CNTN5: variants seen among roughly 807,000 people sequenced by gnomAD.
CNTN5 encodes the protein contactin 5, also known as contactin-5.
Under a neutral mutation model 129.1 loss-of-function variants are expected in CNTN5, and 77 were observed. That is an observed-to-expected ratio of 0.60 (90% CI 0.50 to 0.72). The LOEUF is 0.72. Ranked by LOEUF, CNTN5 falls within the 30% of genes least tolerant of loss-of-function variation. CNTN5 has a pLI of 0.00. For synonymous variants in CNTN5, 509 were observed against 465.6 expected (o/e 1.09, Z -1.20); for missense variants, 1,478 against 1,328.8 (o/e 1.11, Z -1.75).
chr11:99,783,973 A>C (rs1328171256), intron 3 of CNTN5, among the ~76,000 whole-genome samples: 9 of 151,972 alleles, frequency 5.9e-5, no homozygotes, highest in Admixed American at 5.9e-4. Context: ...AGTATAATAA[A>C]AAAAAAAGTA....
chr11:99,521,292 T>C (rs912250119), intron 2 of CNTN5, among the ~76,000 whole-genome samples: 6 of 152,252 alleles, frequency 3.9e-5, no homozygotes, highest in Admixed American at 1.3e-4. Flanking sequence ...AAGTTGGGCT[T>C]GCCACTTAAC....
intron 9 of CNTN5, among the ~76,000 whole-genome samples, chr11:100,039,850 T>G (rs1398087909): frequency 1.3e-5 from 2 of 152,220 alleles, no homozygotes; most frequent in Non-Finnish European, 2.9e-5. Flanking sequence ...CTGCATTGGT[T>G]ATCCTGGTTA....
At chr11:99,090,948 G>A (rs914716265) in intron 1 of CNTN5, among the ~76,000 whole-genome samples, 3 of 149,988 alleles carry the variant, frequency 2.0e-5, no homozygotes, top group Non-Finnish European at 4.4e-5. Context: ...CGTGAACCCC[G>A]GAGGCGGAGC....
At chr11:100,161,330 A>G (rs1188881372) in intron 13 of CNTN5, among the ~76,000 whole-genome samples, 1 of 151,910 alleles carries the variant, frequency 6.6e-6, no homozygotes, top group Non-Finnish European at 1.5e-5. Context: ...GTAGAGAATC[A>G]GACAATTGAA....
Position 99,142,185 on chromosome 11 carries a change from C to T in CNTN5, c.-210+120915C>T, listed in dbSNP as rs141212592. ...TTCTTGAGGGTAAGCACCTGTTGCA[C>T]TAGGGGGGCCTAGGTGTTCTCAGTC... On this transcript the variant is annotated intron_variant, in intron 1 of 24. Transcript: ENST00000524871. Among the ~76,000 whole-genome samples the T allele has an allele frequency of 5.3e-5, 8 of 152,208 alleles. No homozygotes were observed. In the East Asian group the frequency reaches 1.6e-3, roughly 30 times the overall value.
chr11:100,150,726 C>T (rs919343317), intron 13 of CNTN5, among the ~76,000 whole-genome samples: 1 of 151,896 alleles, frequency 6.6e-6, no homozygotes, highest in East Asian at 1.9e-4. Flanking sequence ...TAGCTGAACT[C>T]GGCTAAGGCT....
chr11:99,319,829 G>T (rs531081897), intron 1 of CNTN5, among the ~76,000 whole-genome samples: 1 of 152,168 alleles, frequency 6.6e-6, no homozygotes, highest in Non-Finnish European at 1.5e-5. Context: ...ATTCAATGGT[G>T]AATGCAGAAA....
At chr11:99,214,400 AAT>A (rs10557139) in intron 1 of CNTN5, among the ~76,000 whole-genome samples, 40,033 of 146,790 alleles carry the variant, frequency 0.27, 5,909 homozygotes, top group East Asian at 0.4. Flanking sequence ...TATATAAATA[AAT>A]ATATATATAT....
intron 21 of CNTN5, among the ~76,000 whole-genome samples, chr11:100,324,673 ATATT>A (rs1185884214): frequency 1.3e-5 from 2 of 152,264 alleles, no homozygotes; most frequent in African/African-American, 2.4e-5. Context: ...TGTTAGGAAA[ATATT>A]TAATTATATT....
At chr11:99,702,540 T>A (rs1565441935) in intron 3 of CNTN5, among the ~76,000 whole-genome samples, 2 of 151,142 alleles carry the variant, frequency 1.3e-5, no homozygotes, top group African/African-American at 4.8e-5. Flanking sequence ...TTTGTTATAA[T>A]ATTTAGATTC....
intron 1 of CNTN5, among the ~76,000 whole-genome samples, chr11:99,292,134 A>G (rs964792246): frequency 1.3e-5 from 2 of 151,966 alleles, no homozygotes; most frequent in African/African-American, 2.4e-5. Flanking sequence ...TAGGGATAGC[A>G]CTTTCATTCT....
At chr11:99,121,341 G>A (rs1223411651) in intron 1 of CNTN5, among the ~76,000 whole-genome samples, 1 of 151,970 alleles carries the variant, frequency 6.6e-6, no homozygotes, top group South Asian at 2.1e-4. Context: ...CAACAAGTTG[G>A]CTAGACTGGT....
At chr11:99,376,759 G>T (rs1390928465) in intron 2 of CNTN5, among the ~76,000 whole-genome samples, 1 of 152,096 alleles carries the variant, frequency 6.6e-6, no homozygotes, top group Non-Finnish European at 1.5e-5. Context: ...GCCCTTATTC[G>T]ATGAATGTTA....
At chr11:99,746,575 G>A (rs1944062994) in intron 3 of CNTN5, among the ~76,000 whole-genome samples, 1 of 152,164 alleles carries the variant, frequency 6.6e-6, no homozygotes, top group Non-Finnish European at 1.5e-5. Flanking sequence ...GCATGCATTA[G>A]ATTCTCACAG....
intron 21 of CNTN5, chr11:100,337,149 T>G: frequency 2.1e-6 from 3 of 1,425,278 alleles, no homozygotes. Flanking sequence ...ACATGACAGC[T>G]GCACCCATGA....
intron 16 of CNTN5, among the ~76,000 whole-genome samples, chr11:100,252,026 T>C (rs894356567): frequency 6.6e-6 from 1 of 152,196 alleles, no homozygotes; most frequent in African/African-American, 2.4e-5. Context: ...TAGTTTACGT[T>C]CCCACCAATA....
At chr11:99,428,014 G>A (rs1040982492) in intron 2 of CNTN5, among the ~76,000 whole-genome samples, 4 of 151,836 alleles carry the variant, frequency 2.6e-5, no homozygotes, top group South Asian at 2.1e-4. Context: ...AGAAATTTGT[G>A]AGATGCTTAG....
At chr11:100,155,847 T>C (rs1947223605) in intron 13 of CNTN5, among the ~76,000 whole-genome samples, 1 of 152,174 alleles carries the variant, frequency 6.6e-6, no homozygotes, top group African/African-American at 2.4e-5. Flanking sequence ...TTTTTGCACA[T>C]TGATTTTGTA....
At chr11:99,401,856 C>G (rs1941827883) in intron 2 of CNTN5, among the ~76,000 whole-genome samples, 2 of 65,364 alleles carry the variant, frequency 3.1e-5, no homozygotes. Context: ...GTAAATGGCA[C>G]TACTTTTTTT....
Sources: allele counts gnomAD v4.1 joint callset (sites outside exome capture counted in the v4.1 genomes callset), GRCh38; gene constraint gnomAD v4.1.1; transcripts MANE v1.5; gene names NCBI Gene and HGNC (gene_info 2026-07-23, HGNC 2026-07-21).